PCDHGB1: variants seen among roughly 807,000 people sequenced by gnomAD.
PCDHGB1 encodes the protein protocadherin gamma-B1.
In PCDHGB1, 34 loss-of-function variants were observed where a neutral mutation model predicts 56.6. The ratio of observed to expected loss-of-function variants is 0.60; its 90% CI spans 0.46 to 0.80. The LOEUF (loss-of-function observed/expected upper bound fraction) is 0.80, where lower values mean the gene tolerates loss of function less well. Ranked by LOEUF, PCDHGB1 falls within the 30% of genes least tolerant of loss-of-function variation. PCDHGB1 has a pLI of 0.00. For missense variants in PCDHGB1, 1,278 were observed against 1,204.6 expected (o/e 1.06, Z -0.90); for synonymous variants, 561 against 505.9 (o/e 1.11, Z -1.46).
intron 1 of PCDHGB1, chr5:141,364,789 G>T (rs1358031910): frequency 1.9e-6 from 3 of 1,614,036 alleles, no homozygotes; most frequent in East Asian, 4.5e-5. Flanking sequence ...CACGGTTAGT[G>T]CTTCCCTTCG....
chr5:141,365,428 C>A (rs1588613200), intron 1 of PCDHGB1: 1 of 1,613,992 alleles, frequency 6.2e-7, no homozygotes, highest in Non-Finnish European at 8.5e-7. Flanking sequence ...GAACTGTAAT[C>A]GCGCTGTTTA....
Position 141,489,653 on chromosome 5 carries a change from G to C in PCDHGB1, c.2410-5154G>C. ...TCTCCTAGCTTTGCCACCCCTGAGCGAGAGATGCGCATCTCAGAATCAGCA... is the reference window on the plus strand; with the variant it reads ...TCTCCTAGCTTTGCCACCCCTGAGCCAGAGATGCGCATCTCAGAATCAGCA... On this transcript the variant is annotated intron_variant, in intron 1 of 3. Coordinates refer to ENST00000523390, the MANE Select transcript of PCDHGB1 (RefSeq NM_018922.3). The surrounding 1 kb of genome is among the most constrained non-coding windows in gnomAD (Gnocchi z 4.5). 3 of 1,614,164 alleles carry C rather than the reference G, an allele frequency of 1.9e-6. No individual in the cohort carries two copies. The highest frequency in any genetic ancestry group is 2.5e-6 in the Non-Finnish European group (3 of 1,180,018).
At position 141,350,705 on chromosome 5, in the gene PCDHGB1, T is replaced by C. The variant is rs761943994; in HGVS notation, c.445T>C (p.Phe149Leu). 6.2e-7 allele frequency: 1 copy of C among 1,613,940 alleles called. No homozygotes were observed. The highest frequency in any genetic ancestry group is 8.5e-7 in the Non-Finnish European group (1 of 1,179,894). ...TGAGTCAGCCTTACCCGGGGTAAAATTCTCTCTGGATTCTGCTCAAGATGC... is the reference window on the plus strand; with the variant it reads ...TGAGTCAGCCTTACCCGGGGTAAAACTCTCTCTGGATTCTGCTCAAGATGC... Reference protein sequence around the residue: ...ICESALPGVKFSLDSAQDADV... With the variant: ...ICESALPGVKLSLDSAQDADV... Residue 149 changes from phenylalanine to leucine, a missense_variant, in exon 1 of 4, where the codon TTC (phenylalanine) becomes CTC (leucine). Physicochemically the swap from Phe to Leu is conservative, Grantham distance 22 (BLOSUM62 0). Coordinates refer to ENST00000523390, the MANE Select transcript of PCDHGB1 (RefSeq NM_018922.3).
At chr5:141,439,737 A>T (rs947754447) in intron 1 of PCDHGB1, 4 of 152,382 alleles carry the variant, frequency 2.6e-5, no homozygotes, top group Non-Finnish European at 5.9e-5. Flanking sequence ...CAGGAACGGA[A>T]CGGATTTACA....
chr5:141,365,784 C>T, intron 1 of PCDHGB1: 2 of 1,613,912 alleles, frequency 1.2e-6, no homozygotes, highest in Non-Finnish European at 1.7e-6. Context: ...GGCGACAACG[C>T]TCGAGTCACC....
At chr5:141,418,594 C>A in intron 1 of PCDHGB1, 4 of 1,614,022 alleles carry the variant, frequency 2.5e-6, no homozygotes, top group Non-Finnish European at 3.4e-6. Context: ...TCAGCCAGGA[C>A]GTGTACAGGG....
At chr5:141,403,774 C>A (rs1350465491) in intron 1 of PCDHGB1, 1 of 1,613,786 alleles carries the variant, frequency 6.2e-7, no homozygotes, top group Non-Finnish European at 8.5e-7. Context: ...AGGGAATCAA[C>A]GGAAAAGTGG....
At chr5:141,495,480 C>A (rs2099761689) in intron 2 of PCDHGB1, among the ~76,000 whole-genome samples, 1 of 152,208 alleles carries the variant, frequency 6.6e-6, no homozygotes, top group African/African-American at 2.4e-5. Flanking sequence ...CGTGTCTCTG[C>A]CCCTTTTTCT....
In PCDHGB1 at chr5:141,362,283, A is replaced by G. The variant is rs758529550; in HGVS notation, c.2409+9614A>G. 15 of 1,612,776 alleles carry G rather than the reference A, an allele frequency of 9.3e-6. No individual in the cohort carries two copies. In the Admixed American group the frequency reaches 1.8e-4, roughly 20 times the overall value. On this transcript the variant is annotated intron_variant, in intron 1 of 3. Transcript: ENST00000523390. ...TTCTGGCAATCTCCCTGCGCCTGCG[A>G]CTCTCTTCCAGGTCAGATGCTTGGG...
rs1376839012 is a variant in PCDHGB1, at chr5:141,350,181, A to G, written c.-80A>G. On this transcript the variant is annotated 5_prime_UTR_variant, in exon 1 of 4. Coordinates refer to ENST00000523390, the MANE Select transcript of PCDHGB1 (RefSeq NM_018922.3). ...CGCCTAACTAATAAGTCCTAAGCTCAAATCACAGAAGTCCAGGGTGCTGCC... is the reference window on the plus strand; with the variant it reads ...CGCCTAACTAATAAGTCCTAAGCTCGAATCACAGAAGTCCAGGGTGCTGCC... The G allele has an allele frequency of 3.8e-6, 5 of 1,332,568 alleles. No homozygotes were observed. The highest frequency in any genetic ancestry group is 4.0e-6 in the Non-Finnish European group (4 of 1,001,590). 82.5% of individuals were successfully genotyped at this position (1,332,568 alleles called of 1,614,324 possible).
intron 1 of PCDHGB1, chr5:141,427,619 C>T: frequency 1.4e-6 from 1 of 696,342 alleles, no homozygotes; most frequent in Non-Finnish European, 2.6e-6. Context: ...AAGTCAACGA[C>T]AATGCTCCGG....
chr5:141,431,498 T>C lies in PCDHGB1; in HGVS notation c.2410-63309T>C, dbSNP rs1274311782. On this transcript the variant is annotated intron_variant, in intron 1 of 3. Coordinates refer to ENST00000523390, the MANE Select transcript of PCDHGB1 (RefSeq NM_018922.3). The surrounding 1 kb of genome is among the most constrained non-coding windows in gnomAD (Gnocchi z 4.8). ...CGCACCAGCGTTTGCTCAGCCCGAG[T>C]ACCGCGCGAGCGTTCCGGAGAATCT... The C allele has an allele frequency of 6.2e-7, 1 of 1,613,992 alleles. No homozygotes were observed. Among genetic ancestry groups the C allele is most frequent in the Non-Finnish European group, 8.5e-7 (1 of 1,180,034 alleles).
chr5:141,434,261 G>A (rs1269166732), intron 1 of PCDHGB1, among the ~76,000 whole-genome samples: 2 of 152,194 alleles, frequency 1.3e-5, no homozygotes. Context: ...TTGTGGGGGA[G>A]GTGGAAATTA....
At chr5:141,365,911 C>T (rs769865478) in intron 1 of PCDHGB1, 33 of 1,614,102 alleles carry the variant, frequency 2.0e-5, no homozygotes, top group African/African-American at 2.7e-5. Context: ...AGTTGAGAGA[C>T]CTACAGTTGT....
chr5:141,451,358 T>C (rs537863729), intron 1 of PCDHGB1, among the ~76,000 whole-genome samples: 1 of 152,326 alleles, frequency 6.6e-6, no homozygotes, highest in African/African-American at 2.4e-5. Flanking sequence ...CAACAGAGGA[T>C]GGATCCGCTT....
intron 1 of PCDHGB1, chr5:141,364,932 A>G (rs1447586286): frequency 6.2e-7 from 1 of 1,613,886 alleles, no homozygotes. Context: ...CAGCCCCTAG[A>G]CCGCGAGAAA....
chr5:141,360,690 T>C (rs747739176), intron 1 of PCDHGB1: 5 of 1,613,954 alleles, frequency 3.1e-6, no homozygotes, highest in Non-Finnish European at 4.2e-6. Flanking sequence ...AGAAACAGAC[T>C]CCAGATGGTC....
intron 1 of PCDHGB1, among the ~76,000 whole-genome samples, chr5:141,445,902 T>C (rs1022574381): frequency 3.9e-5 from 6 of 152,186 alleles, no homozygotes; most frequent in Non-Finnish European, 8.8e-5. Context: ...TTAAAATATT[T>C]TAAACAAGGC....
intron 1 of PCDHGB1, chr5:141,374,015 G>T: frequency 1.5e-6 from 2 of 1,375,596 alleles, no homozygotes; most frequent in Non-Finnish European, 1.9e-6. Context: ...CTATTTCTGA[G>T]AAGAGCAAAA....
Sources: allele counts gnomAD v4.1 joint callset (sites outside exome capture counted in the v4.1 genomes callset), GRCh38; gene constraint gnomAD v4.1.1; non-coding constraint Gnocchi (gnomAD v3.1); transcripts MANE v1.5; gene names NCBI Gene and HGNC (gene_info 2026-07-23, HGNC 2026-07-21).